Variants in LINGO1 observed in about 807,000 individuals in gnomAD.
LINGO1 encodes leucine-rich repeat and immunoglobulin-like domain-containing nogo receptor-interacting protein 1.
A neutral mutation model predicts 37.3 loss-of-function variants in LINGO1; 11 were observed. The ratio of observed to expected loss-of-function variants is 0.29; its 90% CI spans 0.19 to 0.49. The LOEUF is 0.49. Ranked by LOEUF, LINGO1 falls within the 20% of genes least tolerant of loss-of-function variation. LINGO1 has a pLI of 0.99. For synonymous variants in LINGO1, 387 were observed against 403.0 expected (o/e 0.96, Z 0.48); for missense variants, 585 against 878.2 (o/e 0.67, Z 4.22).
intron 1 of LINGO1, among the ~76,000 whole-genome samples, chr15:77,749,340 A>G (rs769048168): frequency 6.6e-6 from 1 of 151,546 alleles, no homozygotes; most frequent in Non-Finnish European, 1.5e-5. Context: ...AACAAGCCCA[A>G]TGCCATTCCC....
At chr15:77,757,743 G>A (rs779632529) in intron 1 of LINGO1, among the ~76,000 whole-genome samples, 27 of 152,168 alleles carry the variant, frequency 1.8e-4, no homozygotes, top group Non-Finnish European at 1.5e-5. Context: ...AAGAGGAGGA[G>A]GAGAAAGCAA....
chr15:77,808,342 G>T (rs1596249983), intron 1 of LINGO1, among the ~76,000 whole-genome samples: 1 of 152,158 alleles, frequency 6.6e-6, no homozygotes, highest in East Asian at 1.9e-4. Context: ...CCCAGATACA[G>T]GAGCATAAGG....
At chr15:77,661,074 C>T (rs1043615362) in intron 3 of LINGO1, among the ~76,000 whole-genome samples, 9 of 150,870 alleles carry the variant, frequency 6.0e-5, no homozygotes, top group African/African-American at 2.2e-4. Context: ...AATTGCAATG[C>T]TGGGCAAAGG....
intron 3 of LINGO1, among the ~76,000 whole-genome samples, chr15:77,674,545 G>A (rs1374019225): frequency 6.6e-6 from 1 of 151,978 alleles, no homozygotes; most frequent in Admixed American, 6.6e-5. Context: ...CCCTGTTCTG[G>A]CCACACCAAC....
At chr15:77,727,460 G>A (rs1005903964) in intron 2 of LINGO1, among the ~76,000 whole-genome samples, 1 of 152,172 alleles carries the variant, frequency 6.6e-6, no homozygotes, top group Non-Finnish European at 1.5e-5. Flanking sequence ...GAACACGGAG[G>A]ACATTATGCT....
At chr15:77,760,459 C>G (rs1208983429) in intron 1 of LINGO1, among the ~76,000 whole-genome samples, 1 of 152,252 alleles carries the variant, frequency 6.6e-6, no homozygotes, top group Admixed American at 6.5e-5. Context: ...CAGTTGCCAA[C>G]TTTTGCAAAT....
At chr15:77,731,161 G>A (rs752786373) in intron 2 of LINGO1, among the ~76,000 whole-genome samples, 4 of 152,154 alleles carry the variant, frequency 2.6e-5, no homozygotes, top group Non-Finnish European at 5.9e-5. Context: ...GCTGGGGTGG[G>A]GGCAGAGTCA....
chr15:77,693,927 G>A (rs538745324), intron 1 of LINGO1, among the ~76,000 whole-genome samples: 20 of 152,272 alleles, frequency 1.3e-4, no homozygotes, highest in African/African-American at 4.6e-4. Context: ...GGTCCCTAAT[G>A]AACAGACTTG....
chr15:77,676,652 A>C (rs1200061165), intron 3 of LINGO1, among the ~76,000 whole-genome samples: 1 of 152,204 alleles, frequency 6.6e-6, no homozygotes, highest in Non-Finnish European at 1.5e-5. Flanking sequence ...CAGGCACTGC[A>C]CTGGGCAGCG....
At chr15:77,802,626 T>C (rs1040180286) in intron 1 of LINGO1, among the ~76,000 whole-genome samples, 3 of 152,090 alleles carry the variant, frequency 2.0e-5, no homozygotes, top group African/African-American at 7.2e-5. Context: ...CCTTGAACAA[T>C]TGTTTGCACA....
chr15:77,794,304 ACATATATGTG>A (rs1194574460), intron 2 of LINGO1, among the ~76,000 whole-genome samples: 9 of 128,064 alleles, frequency 7.0e-5, no homozygotes, highest in Admixed American at 1.8e-4. Flanking sequence ...GTATATATAT[ACATATATGTG>A]TATATACATA....
intron 3 of LINGO1, among the ~76,000 whole-genome samples, chr15:77,673,922 C>T (rs1420952369): frequency 6.6e-6 from 1 of 151,814 alleles, no homozygotes; most frequent in African/African-American, 2.4e-5. Context: ...CTATTGTCAC[C>T]TCCCACTTTG....
upstream of LINGO1, among the ~76,000 whole-genome samples, chr15:77,633,540 G>C (rs561027293): frequency 2.0e-5 from 3 of 152,190 alleles, no homozygotes; most frequent in African/African-American, 4.8e-5. Flanking sequence ...AGGGGACGGC[G>C]AGGAAGCCGC....
chr15:77,772,783 C>A (rs1277234344), intron 1 of LINGO1, among the ~76,000 whole-genome samples: 2 of 152,194 alleles, frequency 1.3e-5, no homozygotes, highest in East Asian at 3.8e-4. Flanking sequence ...CTCTTTCCCC[C>A]CACCTCCAGC....
At chr15:77,752,585 A>C (rs1185342342) in intron 1 of LINGO1, among the ~76,000 whole-genome samples, 1 of 152,266 alleles carries the variant, frequency 6.6e-6, no homozygotes, top group East Asian at 1.9e-4. Flanking sequence ...TTGGGCAATA[A>C]GGCACAAAGG....
intron 2 of LINGO1, among the ~76,000 whole-genome samples, chr15:77,713,249 T>TGTGC (rs1055230447): frequency 1.2e-4 from 16 of 136,772 alleles, no homozygotes; most frequent in African/African-American, 4.2e-4. Context: ...TGTGTGTGTG[T>TGTGC]GTGTGTGTTG....
At chr15:77,623,610 T>C (rs2073990251) in intron 1 of LINGO1, among the ~76,000 whole-genome samples, 1 of 152,168 alleles carries the variant, frequency 6.6e-6, no homozygotes, top group South Asian at 2.1e-4. Context: ...CCTGGCGGAC[T>C]GCGCGGCTGG....
chr15:77,620,468 C>T (rs1299834458), intron 1 of LINGO1, among the ~76,000 whole-genome samples: 2 of 152,180 alleles, frequency 1.3e-5, no homozygotes, highest in African/African-American at 4.8e-5. Context: ...CCGGCCACAC[C>T]CTCCTTCATG....
intron 1 of LINGO1, among the ~76,000 whole-genome samples, chr15:77,625,822 C>A (rs1431768016): frequency 6.6e-6 from 1 of 152,194 alleles, no homozygotes; most frequent in South Asian, 2.1e-4. Flanking sequence ...GTGGCTTTAC[C>A]TCTGGGGACC....
Sources: gnomAD v4.1 joint callset for allele counts (sites outside exome capture counted in the v4.1 genomes callset) on GRCh38, gnomAD v4.1.1 for gene constraint, MANE v1.5 for transcripts, NCBI Gene and HGNC (gene_info 2026-07-23, HGNC 2026-07-21) for gene names.